The following ABCA13 variants were observed in gnomAD, a reference collection of about 807,000 sequenced individuals.
ABCA13 encodes ATP binding cassette subfamily A member 13.
Under a neutral mutation model 478.7 loss-of-function variants are expected in ABCA13, and 476 were observed. The ratio of observed to expected loss-of-function variants is 0.99; its 90% CI spans 0.92 to 1.07. The LOEUF is 1.07. Among genes scored for constraint, ABCA13 ranks in the 50% least tolerant of loss-of-function variants. The probability of loss-of-function intolerance (pLI) is 0.00; values close to 1 mark genes in which losing one functional copy is unlikely to be tolerated. For missense variants in ABCA13, 6,060 were observed against 5,910.6 expected (o/e 1.03, Z -0.83); for synonymous variants, 2,252 against 2,158.9 (o/e 1.04, Z -1.20).
At chr7:48,570,351 G>T (rs1389524535) in intron 55 of ABCA13, among the ~76,000 whole-genome samples, 1 of 120,000 alleles carries the variant, frequency 8.3e-6, no homozygotes, top group Non-Finnish European at 1.6e-5. Context: ...TTGAGATGGA[G>T]TCTCACTCTG....
chr7:48,347,775 G>T (rs1808337271), intron 29 of ABCA13, among the ~76,000 whole-genome samples: 1 of 152,198 alleles, frequency 6.6e-6, no homozygotes, highest in African/African-American at 2.4e-5. Flanking sequence ...AGGCAGTGGA[G>T]TTTGTCTCCT....
intron 55 of ABCA13, among the ~76,000 whole-genome samples, chr7:48,545,440 C>T (rs1784737552): frequency 6.6e-6 from 1 of 151,610 alleles, no homozygotes; most frequent in Non-Finnish European, 1.5e-5. Context: ...ATCTGAGAAC[C>T]ACAACTCCCC....
At chr7:48,321,414 T>G (rs1803437045) in intron 27 of ABCA13, among the ~76,000 whole-genome samples, 1 of 152,100 alleles carries the variant, frequency 6.6e-6, no homozygotes, top group African/African-American at 2.4e-5. Flanking sequence ...TGGCTTCTCC[T>G]CTACTGGTGA....
intron 59 of ABCA13, among the ~76,000 whole-genome samples, chr7:48,625,670 C>T (rs1402964850): frequency 6.6e-6 from 1 of 152,202 alleles, no homozygotes. Flanking sequence ...ATTCTCATGC[C>T]ATTCTCATGC....
intron 50 of ABCA13, among the ~76,000 whole-genome samples, chr7:48,508,342 C>T (rs1443315180): frequency 6.6e-6 from 1 of 152,138 alleles, no homozygotes; most frequent in African/African-American, 2.4e-5. Context: ...CTTTACTATG[C>T]TCTTTTCAAT....
At chr7:48,610,291 G>T (rs1791900409) in intron 58 of ABCA13, among the ~76,000 whole-genome samples, 1 of 152,206 alleles carries the variant, frequency 6.6e-6, no homozygotes, top group Admixed American at 6.5e-5. Flanking sequence ...AAATTTTAAA[G>T]CTCCAAAATA....
intron 1 of ABCA13, among the ~76,000 whole-genome samples, chr7:48,172,358 T>A (rs1182547603): frequency 6.6e-6 from 1 of 152,212 alleles, no homozygotes; most frequent in South Asian, 2.1e-4. Flanking sequence ...GATTCAGTAA[T>A]TGACATTGAA....
intron 48 of ABCA13, among the ~76,000 whole-genome samples, chr7:48,494,204 G>T (rs1313137558): frequency 6.6e-6 from 1 of 152,202 alleles, no homozygotes; most frequent in Non-Finnish European, 1.5e-5. Context: ...GGACAGAGAT[G>T]AAATGAACCT....
chr7:48,360,210 C>T (rs1472383343), intron 31 of ABCA13, among the ~76,000 whole-genome samples: 3 of 139,984 alleles, frequency 2.1e-5, no homozygotes, highest in Admixed American at 1.4e-4. Flanking sequence ...CCATGACAGG[C>T]CCCGGTGTGT....
intron 6 of ABCA13, 91 bp from the exon 7 acceptor site, chr7:48,229,734 C>A: frequency 6.8e-7 from 1 of 1,480,790 alleles, no homozygotes; most frequent in Non-Finnish European, 9.3e-7. Flanking sequence ...ACTAGGGGCC[C>A]AGTCCATGGG....
intron 3 of ABCA13, among the ~76,000 whole-genome samples, chr7:48,203,145 G>T (rs1328574078): frequency 2.0e-5 from 3 of 152,228 alleles, no homozygotes; most frequent in Admixed American, 6.5e-5. Flanking sequence ...CTCCGCAGCC[G>T]CTGGCCCGGG....
chr7:48,259,102 T>A (rs1177994497), intron 15 of ABCA13, among the ~76,000 whole-genome samples: 2 of 152,100 alleles, frequency 1.3e-5, no homozygotes, highest in African/African-American at 4.8e-5. Flanking sequence ...TGGTAGAGGA[T>A]TCTGTAGAAG....
chr7:48,219,540 C>A (rs1250181396), intron 4 of ABCA13, 35 bp downstream of exon 4: 1 of 1,588,690 alleles, frequency 6.3e-7, no homozygotes, highest in South Asian at 1.2e-5. Flanking sequence ...ACACTACCTA[C>A]CTGGACATAG....
intron 29 of ABCA13, among the ~76,000 whole-genome samples, chr7:48,344,032 G>C (rs1356673554): frequency 6.6e-6 from 1 of 151,922 alleles, no homozygotes; most frequent in Non-Finnish European, 1.5e-5. Context: ...CATGTTGAAG[G>C]GTTCACTTAA....
intron 3 of ABCA13, among the ~76,000 whole-genome samples, chr7:48,214,033 T>G (rs1786078120): frequency 6.6e-6 from 1 of 152,240 alleles, no homozygotes; most frequent in Non-Finnish European, 1.5e-5. Flanking sequence ...TATAGCTTTA[T>G]GAAATTCATT....
chr7:48,325,596 G>A (rs117696411), intron 27 of ABCA13, among the ~76,000 whole-genome samples: 1,979 of 152,132 alleles, frequency 0.013, 18 homozygotes, highest in Non-Finnish European at 0.018. Flanking sequence ...TTTCCTGAGT[G>A]CAGTGTCCAT....
chr7:48,395,264 T>C (rs1816684321), intron 38 of ABCA13, among the ~76,000 whole-genome samples: 1 of 152,062 alleles, frequency 6.6e-6, no homozygotes, highest in African/African-American at 2.4e-5. Flanking sequence ...TGGGCTGGGG[T>C]GAGCCCAAGT....
At chr7:48,576,941 T>C (rs1200321667) in intron 55 of ABCA13, among the ~76,000 whole-genome samples, 2 of 152,076 alleles carry the variant, frequency 1.3e-5, no homozygotes, top group East Asian at 3.9e-4. Flanking sequence ...GCTTTAGAAA[T>C]CCCCAAATAT....
intron 15 of ABCA13, among the ~76,000 whole-genome samples, chr7:48,252,667 A>G (rs1363126604): frequency 6.6e-6 from 1 of 152,142 alleles, no homozygotes; most frequent in Non-Finnish European, 1.5e-5. Context: ...TCTCTTTGCT[A>G]ATATTCCACT....
Sources: allele counts gnomAD v4.1 joint callset (sites outside exome capture counted in the v4.1 genomes callset), GRCh38; gene constraint gnomAD v4.1.1; transcripts MANE v1.5; gene names NCBI Gene and HGNC (gene_info 2026-07-23, HGNC 2026-07-21).